Variants in PCSK6 observed in about 807,000 individuals in gnomAD.
The protein encoded by PCSK6 is proprotein convertase subtilisin/kexin type 6.
Under a neutral mutation model 123.3 loss-of-function variants are expected in PCSK6, and 85 were observed. The observed-to-expected ratio is 0.69, with a 90% CI of 0.58 to 0.83. The LOEUF (loss-of-function observed/expected upper bound fraction) is 0.83, where lower values mean the gene tolerates loss of function less well. Ranked by LOEUF, PCSK6 falls within the 40% of genes least tolerant of loss-of-function variation. The pLI, the probability that PCSK6 is intolerant of heterozygous loss-of-function variation, is 0.00. For synonymous variants in PCSK6, 508 were observed against 516.0 expected (o/e 0.98, Z 0.21); for missense variants, 1,191 against 1,282.3 (o/e 0.93, Z 1.09).
chr15:101,477,480 AT>A (rs1372458408), intron 1 of PCSK6, among the ~76,000 whole-genome samples: 1 of 152,234 alleles, frequency 6.6e-6, no homozygotes, highest in Non-Finnish European at 1.5e-5. Flanking sequence ...GATACAGGAT[AT>A]TCAACCTGCA....
At position 101,398,403 on chromosome 15, in the gene PCSK6, C is replaced by G. The variant is rs776975290; in HGVS notation, c.996+1G>C. ...TCCCCTGTAGCCCTGGTTACTCACA[C>G]CTTTTTAATGCCATACTCGAAAGCC... On this transcript the variant is annotated splice_donor_variant, in intron 7 of 21. Transcript: ENST00000611716. LOFTEE classifies it high-confidence loss of function. The surrounding 1 kb of genome is among the most constrained non-coding windows in gnomAD (Gnocchi z 4.6). 2 of 1,606,506 alleles carry G rather than the reference C, an allele frequency of 1.2e-6. No homozygotes were observed. The highest frequency in any genetic ancestry group is 1.1e-5 in the South Asian group (1 of 90,636).
At chr15:101,337,427 T>C (rs906091750) in intron 13 of PCSK6, 1 of 152,202 alleles carries the variant, frequency 6.6e-6, no homozygotes, top group Non-Finnish European at 1.5e-5. Flanking sequence ...TGGCATAAAT[T>C]TGAAGAGTGA....
At chr15:101,431,200 T>C (rs1485691899) in intron 4 of PCSK6, 120 bp downstream of exon 4, 3 of 1,011,718 alleles carry the variant, frequency 3.0e-6, no homozygotes, top group Non-Finnish European at 2.9e-6. Context: ...ATAGTTTTCT[T>C]TACTGCCTAA....
At chr15:101,380,826 T>C (rs961627830) in intron 11 of PCSK6, among the ~76,000 whole-genome samples, 5 of 152,242 alleles carry the variant, frequency 3.3e-5, no homozygotes, top group Non-Finnish European at 7.3e-5. Flanking sequence ...GACCTGTATT[T>C]GTTGATAAAG....
chr15:101,460,119 T>A (rs948913650), intron 1 of PCSK6, among the ~76,000 whole-genome samples: 5 of 151,146 alleles, frequency 3.3e-5, no homozygotes, highest in Non-Finnish European at 7.4e-5. Context: ...GTCACACAGG[T>A]CCCTCTCCTG....
At chr15:101,348,775 C>A (rs2040814161) in intron 13 of PCSK6, among the ~76,000 whole-genome samples, 1 of 152,136 alleles carries the variant, frequency 6.6e-6, no homozygotes, top group Non-Finnish European at 1.5e-5. Flanking sequence ...CGTGACCAGG[C>A]CAGGAAGCGG....
intron 1 of PCSK6, 86 bp downstream of exon 1, chr15:101,489,288 G>A: frequency 1.1e-6 from 1 of 871,614 alleles, no homozygotes; most frequent in Non-Finnish European, 1.4e-6. Flanking sequence ...GCCGGGGCCG[G>A]GCGGACAGGA....
rs117277555 is a variant in PCSK6 at position 101,326,542 on chromosome 15, C to T, written c.2078-63G>A. 68 of 1,427,014 alleles carry T rather than the reference C, an allele frequency of 4.8e-5. No homozygotes were observed. The Admixed American group carries it at 1.1e-3, about 22-fold the overall frequency. The allele number at this position is 1,427,014 out of a possible 1,614,324, so 88.4% of individuals were successfully genotyped here. ...GCCTTCTCCATCTACTGCAGTCCCG[C>T]GGATCCCTGTGTCAGGATATCGCAG... On this transcript the variant is annotated intron_variant, in intron 15 of 21. Transcript: ENST00000611716.
chr15:101,326,602 T>C, intron 15 of PCSK6, 123 bp from the exon 16 acceptor site: 1 of 927,584 alleles, frequency 1.1e-6, no homozygotes, highest in South Asian at 1.6e-5. Flanking sequence ...CAGGCCCCGC[T>C]GGGGCTGGAC....
chr15:101,352,610 C>T (rs894426098), intron 13 of PCSK6, among the ~76,000 whole-genome samples: 5 of 152,184 alleles, frequency 3.3e-5, no homozygotes, highest in African/African-American at 9.7e-5. Context: ...GCTTTATTAA[C>T]GGACTATCCG....
At chr15:101,349,587 G>A (rs11634897) in intron 13 of PCSK6, among the ~76,000 whole-genome samples, 4,683 of 152,308 alleles carry the variant, frequency 0.031, 117 homozygotes, top group Non-Finnish European at 0.045. Context: ...CACACTTGCA[G>A]TGGCAGGTAG....
chr15:101,421,554 A>G (rs778181039), intron 6 of PCSK6, among the ~76,000 whole-genome samples: 3 of 152,182 alleles, frequency 2.0e-5, no homozygotes, highest in Non-Finnish European at 4.4e-5. Context: ...CACTTGTTAT[A>G]AAGAAAGCCA....
intron 13 of PCSK6, among the ~76,000 whole-genome samples, chr15:101,333,260 G>C (rs2040407203): frequency 6.6e-6 from 1 of 152,160 alleles, no homozygotes; most frequent in Non-Finnish European, 1.5e-5. Flanking sequence ...CCTGCCCAAG[G>C]ACAGCTGCTC....
Position 101,305,250 on chromosome 15 carries a change from A to G in PCSK6, c.*8T>C. The G allele has an allele frequency of 6.2e-7, 1 of 1,605,608 alleles. No individual in the cohort carries two copies. Among genetic ancestry groups the G allele is most frequent in the Non-Finnish European group, 8.5e-7 (1 of 1,176,394 alleles). The stretch of plus-strand genomic sequence containing the variant: ...GAGTGCCTGCCCTCTGTGGGCAGCT[A>G]GGCACCCTTACCCGGCCAGGAGGCA... On this transcript the variant is annotated 3_prime_UTR_variant, in exon 22 of 22. Transcript: ENST00000611716. This position sits in a 1 kb window ranked among gnomAD's most constrained non-coding sequence, Gnocchi z 4.8.
chr15:101,432,459 CAAAAAAAA>C (rs56385883), intron 2 of PCSK6, among the ~76,000 whole-genome samples: 3 of 117,352 alleles, frequency 2.6e-5, no homozygotes, highest in Non-Finnish European at 3.6e-5. Flanking sequence ...CCCACCTCTC[CAAAAAAAA>C]AAAAAAAAAA....
intron 1 of PCSK6, among the ~76,000 whole-genome samples, chr15:101,454,297 G>A (rs1348880037): frequency 6.6e-6 from 1 of 152,118 alleles, no homozygotes; most frequent in Non-Finnish European, 1.5e-5. Context: ...ATGTGAAAAC[G>A]GGGTTCTGAA....
At chr15:101,381,214 A>AC (rs2041902979) in intron 11 of PCSK6, among the ~76,000 whole-genome samples, 1 of 151,800 alleles carries the variant, frequency 6.6e-6, no homozygotes, top group African/African-American at 2.4e-5. Flanking sequence ...ATACAAAAAA[A>AC]CTAGCTGGGC....
intron 1 of PCSK6, among the ~76,000 whole-genome samples, chr15:101,477,652 T>C (rs1461579086): frequency 6.6e-6 from 1 of 152,220 alleles, no homozygotes; most frequent in Non-Finnish European, 1.5e-5. Context: ...CCACATATCC[T>C]TTCTGTATTA....
intron 13 of PCSK6, among the ~76,000 whole-genome samples, chr15:101,354,846 C>T (rs902642394): frequency 1.3e-5 from 2 of 152,120 alleles, no homozygotes; most frequent in Non-Finnish European, 2.9e-5. Flanking sequence ...TCATAGGCAT[C>T]GTGGTCATGT....
Sources: allele counts gnomAD v4.1 joint callset (sites outside exome capture counted in the v4.1 genomes callset), GRCh38; gene constraint gnomAD v4.1.1; non-coding constraint Gnocchi (gnomAD v3.1); transcripts MANE v1.5; gene names NCBI Gene and HGNC (gene_info 2026-07-23, HGNC 2026-07-21).